The following MBOAT2 variants were observed in gnomAD, a reference collection of about 807,000 sequenced individuals.
The protein encoded by MBOAT2 is membrane bound glycerophospholipid O-acyltransferase 2, also known as membrane-bound glycerophospholipid O-acyltransferase 2.
Under a neutral mutation model 63.4 loss-of-function variants are expected in MBOAT2, and 28 were observed. The ratio of observed to expected loss-of-function variants is 0.44; its 90% CI spans 0.33 to 0.61. MBOAT2 has a LOEUF of 0.61. MBOAT2 is among the 20% of genes least tolerant of loss of function. The pLI, the probability that MBOAT2 is intolerant of heterozygous loss-of-function variation, is 0.03. For missense variants in MBOAT2, 470 were observed against 605.8 expected, an observed-to-expected ratio of 0.78 and a Z score of 2.35; for synonymous variants, 211 against 215.6, an observed-to-expected ratio of 0.98 and a Z score of 0.19.
chr2:8,963,651 T>C (rs965821071), intron 1 of MBOAT2, among the ~76,000 whole-genome samples: 4 of 152,210 alleles, frequency 2.6e-5, no homozygotes, highest in African/African-American at 7.2e-5. Flanking sequence ...TGAAAATAAT[T>C]ATATAAATCT....
intron 5 of MBOAT2, among the ~76,000 whole-genome samples, chr2:8,887,622 G>T (rs62104414): frequency 0.083 from 12,668 of 152,196 alleles, 657 homozygotes; most frequent in African/African-American, 0.15. Flanking sequence ...CATGGAAACA[G>T]GTAATTATGA....
At chr2:8,930,506 T>C (rs528394494) in intron 3 of MBOAT2, among the ~76,000 whole-genome samples, 1 of 152,270 alleles carries the variant, frequency 6.6e-6, no homozygotes, top group East Asian at 1.9e-4. Context: ...TGGTTCCAAG[T>C]CTTTGCTATT....
At chr2:8,991,015 A>C (rs1573266276) in intron 1 of MBOAT2, among the ~76,000 whole-genome samples, 1 of 152,168 alleles carries the variant, frequency 6.6e-6, no homozygotes, top group South Asian at 2.1e-4. Flanking sequence ...CTTGCAAACC[A>C]AAAATCTCTG....
intron 7 of MBOAT2, among the ~76,000 whole-genome samples, chr2:8,876,757 G>T (rs1662730107): frequency 6.6e-6 from 1 of 152,142 alleles, no homozygotes; most frequent in East Asian, 1.9e-4. Context: ...TTGTTAGGCT[G>T]GCCAATTCCA....
intron 1 of MBOAT2, among the ~76,000 whole-genome samples, chr2:8,965,598 A>G (rs1558663384): frequency 6.6e-6 from 1 of 152,090 alleles, no homozygotes; most frequent in Non-Finnish European, 1.5e-5. Context: ...AAGATTGTAT[A>G]TTTTCTCCAG....
At chr2:8,996,135 C>T (rs1041413155) in intron 1 of MBOAT2, among the ~76,000 whole-genome samples, 5 of 152,160 alleles carry the variant, frequency 3.3e-5, no homozygotes, top group South Asian at 4.1e-4. Flanking sequence ...CGCAATGGCT[C>T]GGCAGCTGGA....
chr2:8,954,681 A>G (rs1231464051), intron 2 of MBOAT2, among the ~76,000 whole-genome samples: 1 of 152,220 alleles, frequency 6.6e-6, no homozygotes, highest in African/African-American at 2.4e-5. Flanking sequence ...GTCTATGTCC[A>G]GGAAGACTGG....
intron 1 of MBOAT2, among the ~76,000 whole-genome samples, chr2:9,001,205 A>C (rs547069175): frequency 6.0e-4 from 91 of 152,242 alleles, no homozygotes; most frequent in African/African-American, 2.0e-3. Flanking sequence ...TTTTTTTTTA[A>C]ATAAATAGGA....
At chr2:8,902,339 G>A (rs948856173) in intron 4 of MBOAT2, among the ~76,000 whole-genome samples, 1 of 152,214 alleles carries the variant, frequency 6.6e-6, no homozygotes, top group Non-Finnish European at 1.5e-5. Flanking sequence ...TCCCTTTGTG[G>A]TCACCAAAAT....
chr2:8,923,244 C>T (rs1666708136), intron 3 of MBOAT2, among the ~76,000 whole-genome samples: 1 of 152,190 alleles, frequency 6.6e-6, no homozygotes, highest in African/African-American at 2.4e-5. Context: ...AAATTGCTTA[C>T]TGTTTCAGAG....
chr2:8,966,719 CA>C (rs1408315706), intron 1 of MBOAT2, among the ~76,000 whole-genome samples: 1 of 152,174 alleles, frequency 6.6e-6, no homozygotes, highest in Non-Finnish European at 1.5e-5. Flanking sequence ...TTTAGTGTCA[CA>C]ATACCAAATG....
intron 4 of MBOAT2, among the ~76,000 whole-genome samples, chr2:8,903,476 A>G (rs78068194): frequency 1.3e-5 from 2 of 148,862 alleles, no homozygotes; most frequent in South Asian, 2.1e-4. Flanking sequence ...TTTCACATAG[A>G]TTTTTTTTTT....
At chr2:8,994,794 C>G (rs1006340286) in intron 1 of MBOAT2, among the ~76,000 whole-genome samples, 4 of 152,180 alleles carry the variant, frequency 2.6e-5, no homozygotes, top group African/African-American at 9.7e-5. Flanking sequence ...ATCAAGGAGG[C>G]ATAGGCTTTA....
At chr2:8,976,642 A>C (rs1398947489) in intron 1 of MBOAT2, among the ~76,000 whole-genome samples, 1 of 152,142 alleles carries the variant, frequency 6.6e-6, no homozygotes, top group Non-Finnish European at 1.5e-5. Context: ...AAGGGGGATG[A>C]ATACCAGAAC....
intron 2 of MBOAT2, among the ~76,000 whole-genome samples, chr2:8,953,751 TTGAG>T (rs1192072972): frequency 6.6e-6 from 1 of 152,266 alleles, no homozygotes; most frequent in Non-Finnish European, 1.5e-5. Flanking sequence ...TTAAAATTCC[TTGAG>T]TGAGTTTTTC....
rs34573615 is a variant in MBOAT2, at chr2:8,873,294, C to T, written c.697G>A (p.Val233Ile). Residue 233 changes from valine to isoleucine, a missense_variant, in exon 8 of 13, where the codon GTT becomes ATT. By Grantham distance (29) the Val-to-Ile change is conservative (BLOSUM62 3). Transcript: ENST00000305997. ...CCACAAACTAAGAGCTTCTGAACAA[C>T]CGCAGTCTGAAAAGCGCAAGGCGAG... Reference protein sequence around the residue: ...ERTEPSPNTAVVQKLLVCGLS... With the variant: ...ERTEPSPNTAIVQKLLVCGLS... The T allele has an allele frequency of 3.0e-3, 4,795 of 1,612,338 alleles. 49 individuals are homozygous for T. The highest frequency in any genetic ancestry group is 0.017 in the African/African-American group (1,285 of 74,966).
intron 6 of MBOAT2, among the ~76,000 whole-genome samples, chr2:8,878,402 C>A (rs1186025419): frequency 1.3e-5 from 2 of 152,230 alleles, no homozygotes; most frequent in African/African-American, 4.8e-5. Flanking sequence ...CTGTGGACAG[C>A]AGGCAGGCTT....
chr2:8,940,022 T>C (rs943863289), intron 3 of MBOAT2, among the ~76,000 whole-genome samples: 6 of 152,146 alleles, frequency 3.9e-5, no homozygotes, highest in African/African-American at 1.4e-4. Flanking sequence ...TACCAGTTCA[T>C]ACCCACTGTT....
chr2:8,938,050 G>C (rs945134489), intron 3 of MBOAT2, among the ~76,000 whole-genome samples: 3 of 152,174 alleles, frequency 2.0e-5, no homozygotes, highest in African/African-American at 7.2e-5. Flanking sequence ...AAATGGTACT[G>C]GTTGTGGCAC....
Sources: allele counts gnomAD v4.1 joint callset (sites outside exome capture counted in the v4.1 genomes callset), GRCh38; gene constraint gnomAD v4.1.1; transcripts MANE v1.5; gene names NCBI Gene and HGNC (gene_info 2026-07-23, HGNC 2026-07-21).